CDH20: variants seen among roughly 807,000 people sequenced by gnomAD.
The protein encoded by CDH20 is cadherin 20.
CDH20 carries 29 observed loss-of-function variants against 74.2 expected under a neutral mutation model. That is an observed-to-expected ratio of 0.39 (90% CI 0.29 to 0.53). CDH20 has a LOEUF of 0.53. Among genes scored for constraint, CDH20 ranks in the 20% least tolerant of loss-of-function variants. CDH20 has a pLI of 0.69. For synonymous variants in CDH20, 469 were observed against 405.4 expected, an observed-to-expected ratio of 1.16 and a Z score of -1.88; for missense variants, 988 against 1,048.3, an observed-to-expected ratio of 0.94 and a Z score of 0.79.
Position 61,419,039 on chromosome 18 carries a change from T to C in CDH20, c.-152-71363T>C, listed in dbSNP as rs115521947. On this transcript the variant is annotated intron_variant, in intron 1 of 11. Coordinates refer to ENST00000262717, the MANE Select transcript of CDH20 (RefSeq NM_031891.4). ...TGCATGGTATTCCATAGCTATGATGTATATAACATAATTATGATACGCCCT... is the reference window on the plus strand; with the variant it reads ...TGCATGGTATTCCATAGCTATGATGCATATAACATAATTATGATACGCCCT... 4.2e-3 allele frequency among the ~76,000 whole-genome samples: 633 copies of C among 152,320 alleles called. 2 individuals are homozygous for C. The highest frequency in any genetic ancestry group is 0.014 in the African/African-American group (599 of 41,566).
At position 61,554,912 on chromosome 18, in the gene CDH20, CT is replaced by C. The variant is rs978431388; in HGVS notation, c.*224del. 1.5e-6 allele frequency: 2 copies of C among 1,373,612 alleles called. No homozygotes were observed. The highest frequency in any genetic ancestry group is 3.1e-5 in the Admixed American group (1 of 32,786). 85.1% of individuals were successfully genotyped at this position (1,373,612 alleles called of 1,614,324 possible). ...GGAAGAGGGCAGAATCTTTAATTACCTTTTTTTCTTTTCTTTTTGATTTTTC... is the reference window on the plus strand; with the variant it reads ...GGAAGAGGGCAGAATCTTTAATTACCTTTTTTCTTTTCTTTTTGATTTTTC... On this transcript the variant is annotated 3_prime_UTR_variant, in exon 12 of 12. Coordinates refer to ENST00000262717, the MANE Select transcript of CDH20 (RefSeq NM_031891.4).
rs767728896 is a variant in CDH20 at position 61,527,955 on chromosome 18, A to C, written c.1018-12A>C. On this transcript the variant is annotated splice_polypyrimidine_tract_variant and intron_variant, in intron 6 of 11. Coordinates refer to ENST00000262717, the MANE Select transcript of CDH20 (RefSeq NM_031891.4). ...TCAGTGGCGAATCAATTTTCCTGTC[A>C]TTGCTTTTCAGCCCCTGAGTTTTGA... 6.2e-7 allele frequency: 1 copy of C among 1,613,726 alleles called. No homozygotes were observed.
chr18:61,424,771 T>C (rs1913010812), intron 1 of CDH20, among the ~76,000 whole-genome samples: 1 of 152,184 alleles, frequency 6.6e-6, no homozygotes, highest in Non-Finnish European at 1.5e-5. Flanking sequence ...GCTAATAAAA[T>C]TTTAACTCAT....
chr18:61,363,225 C>T (rs541051509), intron 1 of CDH20, among the ~76,000 whole-genome samples: 64 of 152,074 alleles, frequency 4.2e-4, no homozygotes, highest in Non-Finnish European at 6.8e-4. Context: ...ATCTCAGGAG[C>T]CACTTGGGAT....
chr18:61,537,130 T>C (rs1295239234), intron 8 of CDH20, among the ~76,000 whole-genome samples: 1 of 152,058 alleles, frequency 6.6e-6, no homozygotes. Context: ...CATTAATATA[T>C]ATTATAAACA....
chr18:61,407,788 AT>A (rs1323786756), intron 1 of CDH20, among the ~76,000 whole-genome samples: 11 of 152,242 alleles, frequency 7.2e-5, no homozygotes, highest in Admixed American at 6.5e-4. Context: ...ACAAATGTCA[AT>A]GTTATAAAAG....
At chr18:61,481,756 C>A (rs866097769) in intron 1 of CDH20, among the ~76,000 whole-genome samples, 44 of 152,096 alleles carry the variant, frequency 2.9e-4, no homozygotes, top group African/African-American at 9.9e-4. Flanking sequence ...CCCTGTTGCC[C>A]AGGCTGGTCT....
chr18:61,411,096 G>A (rs1447164597), intron 1 of CDH20, among the ~76,000 whole-genome samples: 2 of 151,890 alleles, frequency 1.3e-5, no homozygotes, highest in Non-Finnish European at 2.9e-5. Flanking sequence ...GCTACTCGGG[G>A]GGCTGAGGCA....
At chr18:61,430,257 T>C (rs1568136059) in intron 1 of CDH20, among the ~76,000 whole-genome samples, 1 of 152,192 alleles carries the variant, frequency 6.6e-6, no homozygotes, top group Non-Finnish European at 1.5e-5. Context: ...CCCTCTGCTT[T>C]TTTTGGTCAA....
chr18:61,552,443 G>A (rs1913468433), intron 11 of CDH20, among the ~76,000 whole-genome samples: 1 of 150,062 alleles, frequency 6.7e-6, no homozygotes, highest in Non-Finnish European at 1.5e-5. Flanking sequence ...TTCAAAAGAC[G>A]GACTAGTTCT....
At chr18:61,510,121 T>C in intron 6 of CDH20, among the ~76,000 whole-genome samples, 1 of 152,172 alleles carries the variant, frequency 6.6e-6, no homozygotes, top group Non-Finnish European at 1.5e-5. Flanking sequence ...ACTGGAAATA[T>C]GAATCTGGGA....
intron 1 of CDH20, among the ~76,000 whole-genome samples, chr18:61,465,861 C>T (rs1035485421): frequency 8.6e-5 from 13 of 151,636 alleles, no homozygotes; most frequent in African/African-American, 2.2e-4. Flanking sequence ...TATAAGGCTC[C>T]GACCTGGGCA....
chr18:61,410,062 T>C (rs1346898260), intron 1 of CDH20, among the ~76,000 whole-genome samples: 2 of 152,188 alleles, frequency 1.3e-5, no homozygotes, highest in Non-Finnish European at 2.9e-5. Flanking sequence ...AAAGTAAATG[T>C]GTTGTAATTT....
At chr18:61,416,130 C>A (rs888662783) in intron 1 of CDH20, among the ~76,000 whole-genome samples, 1 of 151,708 alleles carries the variant, frequency 6.6e-6, no homozygotes, top group Non-Finnish European at 1.5e-5. Context: ...ATAGTAACTG[C>A]AAGATTTAAT....
At chr18:61,355,168 T>C (rs760778541) in intron 1 of CDH20, among the ~76,000 whole-genome samples, 6 of 152,278 alleles carry the variant, frequency 3.9e-5, no homozygotes, top group Non-Finnish European at 8.8e-5. Context: ...CTGCTGTTTG[T>C]ATTTATATGA....
Position 61,554,332 on chromosome 18 carries a change from G to A in CDH20, c.2043G>A (p.Ala681=). The A allele has an allele frequency of 1.2e-6, 2 of 1,613,650 alleles. No individual in the cohort carries two copies. The highest frequency in any genetic ancestry group is 1.7e-6 in the Non-Finnish European group (2 of 1,179,952). The change falls in exon 12 of 12, where the codon GCG becomes GCA. Residue 681 remains alanine (A), a synonymous_variant. Transcript: ENST00000262717. ...GEEDTEAFDI[A]AMWNPREAQA... ...AGGACACCGAGGCCTTCGACATCGC[G>A]GCCATGTGGAACCCCCGGGAGGCGC...
intron 1 of CDH20, among the ~76,000 whole-genome samples, chr18:61,437,655 G>T (rs559897970): frequency 1.2e-4 from 18 of 152,244 alleles, no homozygotes; most frequent in African/African-American, 4.3e-4. Context: ...GTATCCTGGA[G>T]ATAGGAGCCT....
At position 61,425,040 on chromosome 18, in the gene CDH20, C is replaced by CCTCTCTCTCT. The variant is rs10535853; in HGVS notation, c.-152-65334_-152-65325dup. On this transcript the variant is annotated intron_variant, in intron 1 of 11. Coordinates refer to ENST00000262717, the MANE Select transcript of CDH20 (RefSeq NM_031891.4). ...TCCCTCTCTCTCCCACTTCCCCGCT[C>CCTCTCTCTCT]CTCTCTCTCTCTCTCTCTCTCTCTC... is the stretch of plus-strand genomic sequence containing the variant. Among the ~76,000 whole-genome samples the CCTCTCTCTCT allele has an allele frequency of 1.8e-4, 24 of 134,750 alleles. No individual in the cohort carries two copies. The South Asian group carries it at 1.8e-3, about 10-fold the overall frequency. The allele number at this position is 134,750 out of a possible 152,430, so 88.4% of individuals were successfully genotyped here.
intron 4 of CDH20, among the ~76,000 whole-genome samples, chr18:61,502,263 G>A (rs936948429): frequency 2.0e-5 from 3 of 152,078 alleles, no homozygotes; most frequent in Non-Finnish European, 4.4e-5. Flanking sequence ...CTTCTTAAAT[G>A]AAACCGTATC....
Sources: allele counts gnomAD v4.1 joint callset (sites outside exome capture counted in the v4.1 genomes callset), GRCh38; gene constraint gnomAD v4.1.1; transcripts MANE v1.5; gene names NCBI Gene and HGNC (gene_info 2026-07-23, HGNC 2026-07-21).